ZNF426: variants seen among roughly 807,000 people sequenced by gnomAD.
ZNF426 encodes the protein CTC-543D15.7.
A neutral mutation model predicts 24.0 loss-of-function variants in ZNF426; 23 were observed. That is an observed-to-expected ratio of 0.96 (90% CI 0.69 to 1.36). The LOEUF (loss-of-function observed/expected upper bound fraction) is 1.36, where lower values mean the gene tolerates loss of function less well. ZNF426 is among the 40% of genes most tolerant of loss of function. ZNF426 has a pLI of 0.00. For synonymous variants in ZNF426, 272 were observed against 224.6 expected, an observed-to-expected ratio of 1.21 and a Z score of -1.89; for missense variants, 646 against 658.4, an observed-to-expected ratio of 0.98 and a Z score of 0.21.
rs960822174 is a variant in ZNF426, at chr19:9,523,829, C to T, written c.*4551G>A. On this transcript the variant is annotated 3_prime_UTR_variant, in exon 8 of 8. Transcript: ENST00000253115. ...AGCTCAGGCAGTAATGTTTGCTCAT[C>T]CTACATTCACCTCCTGCTGTGCACC... 1.3e-5 allele frequency: 2 copies of T among 152,274 alleles called. No homozygotes were observed. The highest frequency in any genetic ancestry group is 2.1e-4 in the South Asian group (1 of 4,828). 9.4% of individuals were successfully genotyped at this position (152,274 alleles called of 1,614,324 possible).
chr19:9,534,046 A>C lies in ZNF426; in HGVS notation c.118-80T>G, dbSNP rs2073928412. On this transcript the variant is annotated intron_variant, in intron 4 of 7. Coordinates refer to ENST00000253115, the MANE Select transcript of ZNF426 (RefSeq NM_024106.3). ...GCTGGAGGATGAGGAAGGGGGACCC[A>C]ATGCCTATGCAGGATTCCAAGGGCT... The C allele has an allele frequency of 1.9e-6, 3 of 1,561,432 alleles. No individual in the cohort carries two copies. The Admixed American group carries it at 5.8e-5, about 30-fold the overall frequency.
At position 9,529,399 on chromosome 19, in the gene ZNF426, T is replaced by C. The variant is rs754454164; in HGVS notation, c.646A>G (p.Arg216Gly). The C allele has an allele frequency of 1.1e-5, 17 of 1,613,924 alleles. No individual in the cohort carries two copies. In the Admixed American group the frequency reaches 2.8e-4, roughly 27 times the overall value. ...FSLTPNIVYQRTSTQEKSFEC... is the reference protein window; with the variant it reads ...FSLTPNIVYQGTSTQEKSFEC... ...AATGACTTTTCTTGTGTGCTAGTTCTCTGGTATACAATATTTGGTGTCAGG... is the reference window on the plus strand; with the variant it reads ...AATGACTTTTCTTGTGTGCTAGTTCCCTGGTATACAATATTTGGTGTCAGG... The change falls in exon 8 of 8, where the codon AGA becomes GGA. Residue 216 changes from arginine (R) to glycine (G), a missense_variant. Physicochemically the swap from Arg to Gly is moderately radical, Grantham distance 125. Transcript: ENST00000253115.
Position 9,536,252 on chromosome 19 carries a change from T to A in ZNF426, c.-20A>T. The A allele has an allele frequency of 6.2e-7, 1 of 1,614,236 alleles. No homozygotes were observed. The highest frequency in any genetic ancestry group is 1.7e-5 in the Admixed American group (1 of 60,022). On this transcript the variant is annotated 5_prime_UTR_variant, in exon 3 of 8. The change abolishes the stop of an existing upstream ORF in the 5' untranslated region. Transcript: ENST00000253115. ...TGCCATCCCGCGAGGTGAGAACGTG[T>A]CAGAACCCTCCTTTCATTGATGTCA...
chr19:9,530,335 G>A (rs2073864123), intron 7 of ZNF426, among the ~76,000 whole-genome samples: 1 of 152,006 alleles, frequency 6.6e-6, no homozygotes, highest in Admixed American at 6.6e-5. Context: ...TGTTCCTGTA[G>A]TCCCAACCAC....
At chr19:9,534,223 T>C (rs1373179249) in intron 4 of ZNF426, among the ~76,000 whole-genome samples, 3 of 152,160 alleles carry the variant, frequency 2.0e-5, no homozygotes, top group African/African-American at 7.2e-5. Flanking sequence ...CTTTTTTTTT[T>C]GAAATGGACT....
At position 9,533,844 on chromosome 19, in the gene ZNF426, T is replaced by C. The variant is rs1410174240; in HGVS notation, c.240A>G (p.Thr80=). ...VMLENYKNLA[T]VGGQIIKPSL... is the part of the protein sequence containing the mutation. The stretch of plus-strand genomic sequence containing the variant: ...AAGGGATGAGGCCAGTCTTACCTAC[T>C]GTGGCCAGGTTCTTGTAGTTCTCCA... Residue 80 remains threonine, a synonymous_variant, in exon 5 of 8, where the codon ACA becomes ACG. Transcript: ENST00000253115. The C allele has an allele frequency of 2.5e-6, 4 of 1,614,112 alleles. No individual in the cohort carries two copies. The highest frequency in any genetic ancestry group is 2.7e-5 in the African/African-American group (2 of 75,064).
intron 7 of ZNF426, among the ~76,000 whole-genome samples, chr19:9,529,879 G>C (rs2073856726): frequency 6.6e-6 from 1 of 152,056 alleles, no homozygotes; most frequent in Non-Finnish European, 1.5e-5. Context: ...CAGCACTTTG[G>C]GAGTCCGATG....
At position 9,535,263 on chromosome 19, in the gene ZNF426, C is replaced by G. The variant is rs188280300; in HGVS notation, c.42G>C (p.Gly14=). Residue 14 remains glycine (G), a synonymous_variant, in exon 4 of 8, where the codon GGG becomes GGC. Transcript: ENST00000253115. ...TTTCTTCATGAAGGCAAACTGGGTC[C>G]CCAGAAAGATAATGTCCTGTAAGAA... ...ADLSHGHYLS[G]DPVCLHEEKT... The G allele has an allele frequency of 6.2e-7, 1 of 1,613,022 alleles. No individual in the cohort carries two copies. Among genetic ancestry groups the G allele is most frequent in the African/African-American group, 1.3e-5 (1 of 74,922 alleles).
At chr19:9,529,704 G>A in intron 7 of ZNF426, 68 bp from the exon 8 acceptor site, 2 of 1,426,018 alleles carry the variant, frequency 1.4e-6, no homozygotes, top group Non-Finnish European at 1.9e-6. Flanking sequence ...CCCATCTGAA[G>A]CTAGAAACAT....
rs1204987986 is a variant in ZNF426 at position 9,528,437 on chromosome 19, T to C, written c.1608A>G (p.Gln536=). The stretch of plus-strand genomic sequence containing the variant: ...GGGGATGACTGTAAGCTTTCCCGCA[T>C]TGCTGACATTTATAGGGTTTCTCTT... ...HTEEKPYKCQ[Q]CGKAYSHPRS... Residue 536 remains glutamine (Q), a synonymous_variant, in exon 8 of 8, where the codon CAA becomes CAG. Coordinates refer to ENST00000253115, the MANE Select transcript of ZNF426 (RefSeq NM_024106.3). 14 of 1,612,250 alleles carry C rather than the reference T, an allele frequency of 8.7e-6. No homozygotes were observed. The highest frequency in any genetic ancestry group is 1.6e-4 in the Middle Eastern group (1 of 6,078).
Position 9,535,292 on chromosome 19 carries a change from G to A in ZNF426, c.26-13C>T, listed in dbSNP as rs1355079121. On this transcript the variant is annotated splice_polypyrimidine_tract_variant and intron_variant, in intron 3 of 7. Coordinates refer to ENST00000253115, the MANE Select transcript of ZNF426 (RefSeq NM_024106.3). ...GAAAGATAATGTCCTGTAAGAAAAT[G>A]AAGGCAAGAGAACCCCGAGCTGACC... 1 of 1,603,830 alleles carries A rather than the reference G, an allele frequency of 6.2e-7. No individual in the cohort carries two copies. Among genetic ancestry groups the A allele is most frequent in the Admixed American group, 1.7e-5 (1 of 59,752 alleles).
Position 9,528,466 on chromosome 19 carries a change from T to A in ZNF426, c.1579A>T (p.Thr527Ser). Residue 527 changes from threonine to serine, a missense_variant, in exon 8 of 8, where the codon ACA becomes TCA. Coordinates refer to ENST00000253115, the MANE Select transcript of ZNF426 (RefSeq NM_024106.3). The part of the protein sequence containing the change: ...SSFRIHEKTH[T>S]EEKPYKCQQC... ...TGACATTTATAGGGTTTCTCTTCTGTGTGAGTTTTTTCATGAATTCTAAAG... is the reference window on the plus strand; with the variant it reads ...TGACATTTATAGGGTTTCTCTTCTGAGTGAGTTTTTTCATGAATTCTAAAG... 2 of 1,614,076 alleles carry A rather than the reference T, an allele frequency of 1.2e-6. No homozygotes were observed. Among genetic ancestry groups the A allele is most frequent in the East Asian group, 4.5e-5 (2 of 44,872 alleles).
chr19:9,535,204 A>AG lies in ZNF426; in HGVS notation c.100dup (p.Leu34ProfsTer12). 2 of 1,612,548 alleles carry AG rather than the reference A, an allele frequency of 1.2e-6. No individual in the cohort carries two copies. The highest frequency in any genetic ancestry group is 1.7e-6 in the Non-Finnish European group (2 of 1,179,030). ...GCTTTTTACCTGATAACAATCTGTTAGGCAGTCAGCCACTATTCTTCCTGC... is the reference window on the plus strand; with the variant it reads ...GCTTTTTACCTGATAACAATCTGTTAGGGCAGTCAGCCACTATTCTTCCTGC... On this transcript the variant is annotated frameshift_variant, in exon 4 of 8. Transcript: ENST00000253115. LOFTEE classifies it high-confidence loss of function.
At position 9,525,426 on chromosome 19, in the gene ZNF426, T is replaced by C. The variant is rs1207911652; in HGVS notation, c.*2954A>G. 6.6e-6 allele frequency: 1 copy of C among 152,202 alleles called. No individual in the cohort carries two copies. Among genetic ancestry groups the C allele is most frequent in the Non-Finnish European group, 1.5e-5 (1 of 68,068 alleles). The allele number at this position is 152,202 out of a possible 1,614,324, so 9.4% of individuals were successfully genotyped here. On this transcript the variant is annotated 3_prime_UTR_variant, in exon 8 of 8. Transcript: ENST00000253115. ...TATATTCCTTACATTCATAGGGCTCTGTCCACCATGAGTTCATGTTTAAGA... is the reference window on the plus strand; with the variant it reads ...TATATTCCTTACATTCATAGGGCTCCGTCCACCATGAGTTCATGTTTAAGA...
chr19:9,538,313 C>A lies in ZNF426; in HGVS notation c.-179G>T, dbSNP rs1275594262. The A allele has an allele frequency of 6.6e-6, 1 of 152,166 alleles. No homozygotes were observed. Among genetic ancestry groups the A allele is most frequent in the Non-Finnish European group, 1.5e-5 (1 of 68,044 alleles). 9.4% of individuals were successfully genotyped at this position (152,166 alleles called of 1,614,324 possible). On this transcript the variant is annotated 5_prime_UTR_variant, in exon 2 of 8. Coordinates refer to ENST00000253115, the MANE Select transcript of ZNF426 (RefSeq NM_024106.3). ...AACCGGGAAGATCCTGGGGACGGAG[C>A]CAACGCGGATGCAAAAGGCAGCAAT... is the stretch of plus-strand genomic sequence containing the variant.
In ZNF426 at chr19:9,525,032, G is replaced by A. The variant is rs892427233; in HGVS notation, c.*3348C>T. ...TGGGAGGCCGAGGCGGGCGGATCAC[G>A]AGGTCAGGAGATCGAGACCATCCTG... On this transcript the variant is annotated 3_prime_UTR_variant, in exon 8 of 8. Coordinates refer to ENST00000253115, the MANE Select transcript of ZNF426 (RefSeq NM_024106.3). 2.6e-5 allele frequency: 4 copies of A among 151,438 alleles called. No individual in the cohort carries two copies. The highest frequency in any genetic ancestry group is 2.0e-4 in the Admixed American group (3 of 15,196). The allele number at this position is 151,438 out of a possible 1,614,324, so 9.4% of individuals were successfully genotyped here.
chr19:9,534,261 A>G (rs1471634790), intron 4 of ZNF426, among the ~76,000 whole-genome samples: 1 of 152,008 alleles, frequency 6.6e-6, no homozygotes, highest in African/African-American at 2.4e-5. Flanking sequence ...GCTGGAGTGC[A>G]CTGGTGCAAT....
Position 9,529,432 on chromosome 19 carries a change from T to C in ZNF426, c.613A>G (p.Ile205Val), listed in dbSNP as rs775764453. ...KLSEFNQSEK[I>V]FSLTPNIVYQ... ...ACAATATTTGGTGTCAGGCTGAAGA[T>C]TTTTTCACTCTGATTAAACTCAGAA... The change falls in exon 8 of 8, where the codon ATC becomes GTC. Residue 205 changes from isoleucine to valine, a missense_variant. Transcript: ENST00000253115. 1.1e-5 allele frequency: 18 copies of C among 1,613,706 alleles called. No homozygotes were observed. Among genetic ancestry groups the C allele is most frequent in the East Asian group, 4.5e-5 (2 of 44,874 alleles).
rs115083731 is a variant in ZNF426 at position 9,536,092 on chromosome 19, C to T, written c.25+116G>A. Reference sequence around the variant, plus strand: ...ACTCACAAGACAGCACGTTCTGGCACCCCTCAGCACCTCCCAAATGAATCA... The same window carrying T: ...ACTCACAAGACAGCACGTTCTGGCATCCCTCAGCACCTCCCAAATGAATCA... On this transcript the variant is annotated intron_variant, in intron 3 of 7. Transcript: ENST00000253115. The T allele has an allele frequency of 2.5e-5, 34 of 1,351,992 alleles. No homozygotes were observed. The African/African-American group carries it at 4.5e-4, about 18-fold the overall frequency. 83.7% of individuals were successfully genotyped at this position (1,351,992 alleles called of 1,614,324 possible).
Sources: gnomAD v4.1 joint callset for allele counts (sites outside exome capture counted in the v4.1 genomes callset) on GRCh38, gnomAD v4.1.1 for gene constraint, MANE v1.5 for transcripts, NCBI Gene and HGNC (gene_info 2026-07-23, HGNC 2026-07-21) for gene names.